The following DMD variants were observed in gnomAD, a reference collection of about 807,000 sequenced individuals.
The protein encoded by DMD is dystrophin, also known as mutant dystrophin.
Under a neutral mutation model 330.1 loss-of-function variants are expected in DMD, and 63 were observed. The observed-to-expected ratio is 0.19, with a 90% CI of 0.16 to 0.24. The LOEUF is 0.24. Ranked by LOEUF, DMD falls within the 10% of genes least tolerant of loss-of-function variation. DMD has a pLI of 1.00. For missense variants in DMD, 3,344 were observed against 2,684.1 expected, an observed-to-expected ratio of 1.25 and a Z score of -5.43; for synonymous variants, 1,223 against 959.8, an observed-to-expected ratio of 1.27 and a Z score of -5.07.
chrX:31,190,031 C>A (rs1468113668), intron 67 of DMD, among the ~76,000 whole-genome samples: 1 of 112,264 alleles, frequency 8.9e-6, no homozygotes, highest in African/African-American at 3.2e-5. Context: ...ACAAAATTCA[C>A]ACTTGGGGCC....
intron 61 of DMD, among the ~76,000 whole-genome samples, chrX:31,333,996 G>T (rs901212107): frequency 9.1e-6 from 1 of 110,134 alleles, no homozygotes; most frequent in Non-Finnish European, 1.9e-5. Flanking sequence ...GCAATGGCGC[G>T]ATCTCGGCTC....
At chrX:32,478,726 C>G (rs973538280) in intron 21 of DMD, among the ~76,000 whole-genome samples, 3 of 111,522 alleles carry the variant, frequency 2.7e-5, no homozygotes, top group Non-Finnish European at 5.7e-5. Flanking sequence ...CAAAATATGC[C>G]TTTTAATTAC....
intron 63 of DMD, among the ~76,000 whole-genome samples, chrX:31,252,489 T>G (rs966310421): frequency 9.0e-6 from 1 of 111,225 alleles, no homozygotes; most frequent in Non-Finnish European, 1.9e-5. Flanking sequence ...CAAGTCCAAA[T>G]GGAAAGAAGG....
At chrX:31,615,257 C>G (rs1414546174) in intron 55 of DMD, among the ~76,000 whole-genome samples, 1 of 111,659 alleles carries the variant, frequency 9.0e-6, no homozygotes, top group East Asian at 2.8e-4. Context: ...TGGATCTTGT[C>G]CAGGTTCTAA....
chrX:32,312,443 G>A (rs1173064679), intron 41 of DMD, among the ~76,000 whole-genome samples: 2 of 110,851 alleles, frequency 1.8e-5, no homozygotes, highest in Admixed American at 9.7e-5. Flanking sequence ...TAGTAATTGT[G>A]GATTATAGCC....
intron 50 of DMD, among the ~76,000 whole-genome samples, chrX:31,777,964 T>C (rs2090772894): frequency 1.8e-5 from 2 of 112,102 alleles, no homozygotes; most frequent in Non-Finnish European, 3.8e-5. Context: ...CTTTCCAGGC[T>C]CCTCCACACC....
chrX:32,734,928 G>A (rs2068233524), intron 7 of DMD, among the ~76,000 whole-genome samples: 1 of 106,993 alleles, frequency 9.3e-6, no homozygotes, highest in Admixed American at 1.0e-4. Context: ...AATTAGGCAG[G>A]AGAAGGAAAT....
At chrX:32,142,588 T>C (rs2096758855) in intron 44 of DMD, among the ~76,000 whole-genome samples, 2 of 112,494 alleles carry the variant, frequency 1.8e-5, no homozygotes, top group Admixed American at 1.9e-4. Flanking sequence ...TATGGAACCA[T>C]TCCTATCCTT....
chrX:32,390,844 T>G lies in DMD; in HGVS notation c.4234-663A>C, dbSNP rs184058366. On this transcript the variant is annotated intron_variant, in intron 30 of 78. Coordinates refer to ENST00000357033, the MANE Select transcript of DMD (RefSeq NM_004006.3). ...CTTAGTGTAGTCTACTCAGTCATTA[T>G]GTGCCATATTTCAGTTAAATTTCAG... Among the ~76,000 whole-genome samples the G allele has an allele frequency of 5.1e-3, 567 of 111,628 alleles. 1 individual carries two copies. The highest frequency in any genetic ancestry group is 0.014 in the Middle Eastern group (3 of 213).
At chrX:31,817,301 A>C (rs1272882668) in intron 50 of DMD, among the ~76,000 whole-genome samples, 1 of 111,944 alleles carries the variant, frequency 8.9e-6, no homozygotes, top group African/African-American at 3.2e-5. Flanking sequence ...GCATAATACA[A>C]ATTAGATTTT....
intron 1 of DMD, among the ~76,000 whole-genome samples, chrX:33,147,098 A>G (rs1013071803): frequency 9.0e-6 from 1 of 111,609 alleles, no homozygotes; most frequent in African/African-American, 3.3e-5. Context: ...CTGGGATTAC[A>G]GGCGTGAACC....
At position 32,252,667 on chromosome X, in the gene DMD, T is replaced by TATATATAA. The variant is rs1557242917; in HGVS notation, c.6290+34861_6290+34862insTTATATAT. On this transcript the variant is annotated intron_variant, in intron 43 of 78. Transcript: ENST00000357033. Reference sequence around the variant, plus strand: ...ATATATAAATACAAATATATAAATATATATATATAAATATATAAATATATA... The same window carrying TATATATAA: ...ATATATAAATACAAATATATAAATATATATATAAATATATATAAATATATAAATATATA... Among the ~76,000 whole-genome samples the TATATATAA allele has an allele frequency of 3.9e-3, 160 of 40,695 alleles. 21 individuals are homozygous for TATATATAA. Among genetic ancestry groups the TATATATAA allele is most frequent in the African/African-American group, 0.017 (135 of 7,734 alleles). The allele number at this position is 40,695 out of a possible 115,157, so 35.3% of individuals were successfully genotyped here.
intron 63 of DMD, among the ~76,000 whole-genome samples, chrX:31,258,115 A>G (rs1185332349): frequency 1.8e-5 from 2 of 112,557 alleles, no homozygotes; most frequent in Non-Finnish European, 3.8e-5. Context: ...ATATACGTGT[A>G]GCAGGTATGT....
At chrX:31,341,575 C>T (rs1470114747) in intron 61 of DMD, among the ~76,000 whole-genome samples, 1 of 110,990 alleles carries the variant, frequency 9.0e-6, no homozygotes, top group African/African-American at 3.3e-5. Context: ...GATGGCCAAA[C>T]GAAGAGGAAT....
At chrX:31,996,121 C>T (rs2095584214) in intron 44 of DMD, among the ~76,000 whole-genome samples, 1 of 111,865 alleles carries the variant, frequency 8.9e-6, no homozygotes, top group Non-Finnish European at 1.9e-5. Flanking sequence ...GAAGGGACAA[C>T]ACATAGGCAT....
chrX:31,178,881 C>T (rs2040843615), intron 69 of DMD, 76 bp from the exon 70 acceptor site: 4 of 1,100,000 alleles, frequency 3.6e-6, no homozygotes, highest in African/African-American at 1.8e-5. Context: ...AGTCTTCTGC[C>T]CCATGACACT....
chrX:31,403,218 A>G (rs1488985119), intron 60 of DMD, among the ~76,000 whole-genome samples: 1 of 112,297 alleles, frequency 8.9e-6, no homozygotes, highest in African/African-American at 3.2e-5. Context: ...GTAATGTGTC[A>G]GAGAACAAGA....
intron 7 of DMD, among the ~76,000 whole-genome samples, chrX:32,749,787 C>A (rs1285959405): frequency 9.0e-6 from 1 of 111,715 alleles, no homozygotes; most frequent in African/African-American, 3.3e-5. Flanking sequence ...TGTCTGTAAA[C>A]AACAAAAAAA....
chrX:31,734,704 G>T (rs771924114), intron 51 of DMD, among the ~76,000 whole-genome samples: 3 of 110,878 alleles, frequency 2.7e-5, no homozygotes, highest in Non-Finnish European at 5.7e-5. Context: ...TGTTCTCAAA[G>T]AGAAAACAAA....
Sources: gnomAD v4.1 joint callset for allele counts (sites outside exome capture counted in the v4.1 genomes callset) on GRCh38, gnomAD v4.1.1 for gene constraint, MANE v1.5 for transcripts, NCBI Gene and HGNC (gene_info 2026-07-23, HGNC 2026-07-21) for gene names.